CCDC127: variants seen among roughly 807,000 people sequenced by gnomAD.
CCDC127 encodes the protein coiled-coil domain containing 127.
In CCDC127, 2 loss-of-function variants were observed where a neutral mutation model predicts 4.1. The observed-to-expected ratio is 0.49, with a 90% confidence interval of 0.20 to 1.53. The LOEUF (loss-of-function observed/expected upper bound fraction) is 1.53, where lower values mean the gene tolerates loss of function less well. Ranked by LOEUF, CCDC127 falls within the 40% of genes most tolerant of loss-of-function variation. The probability of loss-of-function intolerance (pLI) is 0.23; values close to 1 mark genes in which losing one functional copy is unlikely to be tolerated. For synonymous variants in CCDC127, 98 were observed against 120.4 expected (o/e 0.81, Z 1.22); for missense variants, 271 against 322.9 (o/e 0.84, Z 1.23).
rs1041436386 is a variant in CCDC127, at chr5:200,056, G to C, written c.*5241C>G. 1.3e-5 allele frequency: 2 copies of C among 152,310 alleles called. No homozygotes were observed. The highest frequency in any genetic ancestry group is 4.8e-5 in the African/African-American group (2 of 41,456). The allele number at this position is 152,310 out of a possible 1,614,324, so 9.4% of individuals were successfully genotyped here. ...CCATGCTGGCACAAAGGGCTCCCGTGAATCTGGAGCTCACCCAGCAAACAT... is the reference window on the plus strand; with the variant it reads ...CCATGCTGGCACAAAGGGCTCCCGTCAATCTGGAGCTCACCCAGCAAACAT... On this transcript the variant is annotated 3_prime_UTR_variant, in exon 3 of 3. Transcript: ENST00000296824.
chr5:202,484 C>G lies in CCDC127; in HGVS notation c.*2813G>C, dbSNP rs1734090801. ...CCTGTAGTCCCAGCTACTCGGGAGGCTGAGGCAGGCAAACTACTCGAACCC... is the reference window on the plus strand; with the variant it reads ...CCTGTAGTCCCAGCTACTCGGGAGGGTGAGGCAGGCAAACTACTCGAACCC... On this transcript the variant is annotated 3_prime_UTR_variant, in exon 3 of 3. Transcript: ENST00000296824. The G allele has an allele frequency of 6.6e-6, 1 of 152,338 alleles. No individual in the cohort carries two copies. The highest frequency in any genetic ancestry group is 1.5e-5 in the Non-Finnish European group (1 of 68,154). The allele number at this position is 152,338 out of a possible 1,614,324, so 9.4% of individuals were successfully genotyped here. A position where few individuals can be genotyped will look rare whatever the true frequency, so the allele number is the denominator to read the frequency against.
chr5:205,320 C>A lies in CCDC127; in HGVS notation c.760G>T (p.Glu254Ter). The A allele has an allele frequency of 6.2e-7, 1 of 1,610,768 alleles. No individual in the cohort carries two copies. The highest frequency in any genetic ancestry group is 8.5e-7 in the Non-Finnish European group (1 of 1,177,740). ...TCTTACTTTTCTAGTATGGCTTCCT[C>A]TACTCTCTTAAACTTCTTCAGTTCG... ...VVELKKFKRV[E>*]EAILEK Residue 254 changes from glutamate to a stop codon, truncating the protein, a stop_gained, in exon 3 of 3, where the codon GAG becomes TAG. Transcript: ENST00000296824. LOFTEE classifies it high-confidence loss of function.
At chr5:212,357 C>T (rs186760158) in intron 2 of CCDC127, among the ~76,000 whole-genome samples, 8 of 38,554 alleles carry the variant, frequency 2.1e-4, no homozygotes, top group Admixed American at 9.3e-4. Flanking sequence ...AATGTGAGCA[C>T]GCTGATGCTC....
chr5:217,499 C>T (rs1379109629), intron 1 of CCDC127, among the ~76,000 whole-genome samples: 1 of 152,130 alleles, frequency 6.6e-6, no homozygotes, highest in African/African-American at 2.4e-5. Context: ...GATACAGAAT[C>T]AACTCGATAA....
intron 2 of CCDC127, among the ~76,000 whole-genome samples, chr5:211,328 AC>A (rs1734283037): frequency 1.9e-5 from 1 of 52,870 alleles, no homozygotes; most frequent in Non-Finnish European, 3.9e-5. Context: ...ACGAGACAGC[AC>A]CACACACCCA....
chr5:213,022 T>C (rs368488672), intron 2 of CCDC127, among the ~76,000 whole-genome samples: 1 of 1,838 alleles, frequency 5.4e-4, no homozygotes, highest in Non-Finnish European at 1.1e-3. Flanking sequence ...GCAGCCACGA[T>C]GAGACAGCAC....
intron 1 of CCDC127, 89 bp downstream of exon 1, chr5:218,004 C>A (rs1171529416): frequency 7.5e-6 from 6 of 794,702 alleles, no homozygotes; most frequent in African/African-American, 1.8e-5. Context: ...GGCGTTCAGG[C>A]CCTTCGGTCT....
rs1341735029 is a variant in CCDC127, at chr5:205,030, T to C, written c.*267A>G. 1 of 384,978 alleles carries C rather than the reference T, an allele frequency of 2.6e-6. No homozygotes were observed. The highest frequency in any genetic ancestry group is 4.6e-6 in the Non-Finnish European group (1 of 216,544). The allele number at this position is 384,978 out of a possible 1,614,324, so 23.8% of individuals were successfully genotyped here. A position where few individuals can be genotyped will look rare whatever the true frequency, so the allele number is the denominator to read the frequency against. On this transcript the variant is annotated 3_prime_UTR_variant, in exon 3 of 3. Coordinates refer to ENST00000296824, the MANE Select transcript of CCDC127 (RefSeq NM_145265.3). ...ACCCTGGAGCTAAAATACGAGGTTA[T>C]ACTGTTCTGCTTAATACAATACTGG...
chr5:202,704 T>C lies in CCDC127; in HGVS notation c.*2593A>G, dbSNP rs1734094782. 6.6e-6 allele frequency: 1 copy of C among 152,214 alleles called. No homozygotes were observed. The highest frequency in any genetic ancestry group is 6.5e-5 in the Admixed American group (1 of 15,290). The allele number at this position is 152,214 out of a possible 1,614,324, so 9.4% of individuals were successfully genotyped here. A position where few individuals can be genotyped will look rare whatever the true frequency, so the allele number is the denominator to read the frequency against. On this transcript the variant is annotated 3_prime_UTR_variant, in exon 3 of 3. Coordinates refer to ENST00000296824, the MANE Select transcript of CCDC127 (RefSeq NM_145265.3). ...GAAGGAAGCTAGGCTGACAGCACAC[T>C]GGACATTAGAAACAGGATGAGGATT...
chr5:216,705 A>C, intron 2 of CCDC127, 24 bp downstream of exon 2: 1 of 1,613,742 alleles, frequency 6.2e-7, no homozygotes, highest in Middle Eastern at 1.7e-4. Context: ...GGAAAACACG[A>C]ATTTTAAGAA....
chr5:210,073 G>A (rs919245914), intron 2 of CCDC127, among the ~76,000 whole-genome samples: 6 of 152,136 alleles, frequency 3.9e-5, no homozygotes, highest in East Asian at 1.9e-4. Flanking sequence ...AGCTAGTGCC[G>A]GAAGGCAAGA....
intron 2 of CCDC127, among the ~76,000 whole-genome samples, chr5:206,343 G>A (rs1734172848): frequency 6.6e-6 from 1 of 152,204 alleles, no homozygotes; most frequent in South Asian, 2.1e-4. Flanking sequence ...ACTAGTAAAC[G>A]GCCTGAGTTT....
chr5:205,780 A>C lies in CCDC127; in HGVS notation c.300T>G (p.Ala100=), dbSNP rs367851102. The C allele has an allele frequency of 3.8e-5, 61 of 1,614,006 alleles. No homozygotes were observed. The highest frequency in any genetic ancestry group is 3.3e-5 in the Non-Finnish European group (39 of 1,180,028). ...GAGAGATAAGGGCTTCTCGGTAACT[A>C]GCAGTTCTGTTTTGTTCCTTTTCGA... The part of the protein sequence containing the change: ...LELEKEQNRT[A]SYREALISQG... The change falls in exon 3 of 3, where the codon GCT becomes GCG. Residue 100 remains alanine (A), a synonymous_variant. Transcript: ENST00000296824.
At chr5:206,129 T>A (rs532206348) in intron 2 of CCDC127, among the ~76,000 whole-genome samples, 171 bp from the exon 3 acceptor site, 1 of 150,930 alleles carries the variant, frequency 6.6e-6, no homozygotes, top group South Asian at 2.1e-4. Flanking sequence ...CAAGTTCTTA[T>A]CTGAAAACCA....
chr5:201,698 T>G lies in CCDC127; in HGVS notation c.*3599A>C, dbSNP rs1734079398. On this transcript the variant is annotated 3_prime_UTR_variant, in exon 3 of 3. Coordinates refer to ENST00000296824, the MANE Select transcript of CCDC127 (RefSeq NM_145265.3). ...TTGTTTTTGGAATGTCCAGGTCAAT[T>G]GTGATGCCTTCGAACTTCATTCCAA... 1 of 152,224 alleles carries G rather than the reference T, an allele frequency of 6.6e-6. No individual in the cohort carries two copies. 9.4% of individuals were successfully genotyped at this position (152,224 alleles called of 1,614,324 possible).
At position 218,144 on chromosome 5, in the gene CCDC127, G is replaced by T. The variant is rs537723396; in HGVS notation, c.-62C>A. The T allele has an allele frequency of 2.2e-3, 2,709 of 1,239,952 alleles. 8 individuals carry two copies. Among genetic ancestry groups the T allele is most frequent in the Non-Finnish European group, 2.0e-3 (2,028 of 990,352 alleles). The allele number at this position is 1,239,952 out of a possible 1,614,324, so 76.8% of individuals were successfully genotyped here. ...CGTTCCCTTAACGCCACCGTCCGCG[G>T]GTCCGCTTTGCGCAGGCGCGGCGCC... On this transcript the variant is annotated 5_prime_UTR_variant, in exon 1 of 3. Coordinates refer to ENST00000296824, the MANE Select transcript of CCDC127 (RefSeq NM_145265.3).
chr5:200,924 C>T lies in CCDC127; in HGVS notation c.*4373G>A, dbSNP rs563810501. 38 of 109,616 alleles carry T rather than the reference C, an allele frequency of 3.5e-4. 1 individual carries two copies. Among genetic ancestry groups the T allele is most frequent in the African/African-American group, 1.3e-3 (37 of 28,910 alleles). The allele number at this position is 109,616 out of a possible 1,614,324, so 6.8% of individuals were successfully genotyped here. ...TCACAGCTAGCCAGCGTCTACACAG[C>T]AGGCTGCCCCCATCACAGCCAGCCA... is the stretch of plus-strand genomic sequence containing the variant. On this transcript the variant is annotated 3_prime_UTR_variant, in exon 3 of 3. Transcript: ENST00000296824.
At chr5:212,459 G>A in intron 2 of CCDC127, among the ~76,000 whole-genome samples, 1 of 27,694 alleles carries the variant, frequency 3.6e-5, no homozygotes, top group East Asian at 4.2e-4. Flanking sequence ...TGAGATGCTC[G>A]ACATTGCACA....
rs1192720134 is a variant in CCDC127 at position 205,973 on chromosome 5, G to A, written c.122-15C>T. The stretch of plus-strand genomic sequence containing the variant: ...CCAAATCCAACCTGACATGAATGAA[G>A]AAAAATACACATAATGAAAAAGTTA... On this transcript the variant is annotated splice_polypyrimidine_tract_variant and intron_variant, in intron 2 of 2. Transcript: ENST00000296824. The A allele has an allele frequency of 1.3e-6, 2 of 1,582,770 alleles. No individual in the cohort carries two copies. The highest frequency in any genetic ancestry group is 4.5e-5 in the East Asian group (2 of 44,446).
Sources: gnomAD v4.1 joint callset for allele counts (sites outside exome capture counted in the v4.1 genomes callset) on GRCh38, gnomAD v4.1.1 for gene constraint, MANE v1.5 for transcripts, NCBI Gene and HGNC (gene_info 2026-07-23, HGNC 2026-07-21) for gene names.